Variants in SMARCB1 observed in about 807,000 individuals in gnomAD.
SMARCB1 encodes the protein SWI/SNF related BAF chromatin remodeling complex subunit B1, also known as SWI/SNF-related matrix-associated actin-dependent regulator of chromatin subfamily B member 1.
In SMARCB1, 5 loss-of-function variants were observed where a neutral mutation model predicts 49.0. That is an observed-to-expected ratio of 0.10 (90% CI 0.05 to 0.21). SMARCB1 has a LOEUF of 0.21. Among genes scored for constraint, SMARCB1 ranks in the 10% least tolerant of loss-of-function variants. SMARCB1 has a pLI of 1.00. For synonymous variants in SMARCB1, 201 were observed against 200.1 expected, an observed-to-expected ratio of 1.00 and a Z score of -0.04; for missense variants, 226 against 509.2, an observed-to-expected ratio of 0.44 and a Z score of 5.35.
At chr22:23,791,219 A>T (rs929514720) in intron 1 of SMARCB1, among the ~76,000 whole-genome samples, 7 of 152,224 alleles carry the variant, frequency 4.6e-5, no homozygotes. Flanking sequence ...GTCAGTGATG[A>T]TTTATATAGC....
Position 23,837,694 on chromosome 22 carries a change from AGCGAGAAGCCCATGAGC to A in SMARCB1, c.*3517_*3533del, listed in dbSNP as rs1568969084. ...CACGAGGATGGAGTTGCCCAGCAGC[AGCGAGAAGCCCATGAGC>A]GCCCAAGGCAGGAACGGTGCCTGGA... On this transcript the variant is annotated 3_prime_UTR_variant, in exon 9 of 9. Coordinates refer to ENST00000644036, the MANE Select transcript of SMARCB1 (RefSeq NM_003073.5). 1.9e-6 allele frequency: 3 copies of A among 1,613,866 alleles called. No individual in the cohort carries two copies. The highest frequency in any genetic ancestry group is 2.5e-6 in the Non-Finnish European group (3 of 1,179,944).
At chr22:23,816,323 G>A in intron 5 of SMARCB1, 1 of 269,424 alleles carries the variant, frequency 3.7e-6, no homozygotes, top group Non-Finnish European at 7.3e-6. Flanking sequence ...AAATCGCTGT[G>A]GCTTGGCACA....
intron 3 of SMARCB1, among the ~76,000 whole-genome samples, chr22:23,799,833 T>C (rs1259240093): frequency 6.6e-6 from 1 of 151,986 alleles, no homozygotes; most frequent in African/African-American, 2.4e-5. Flanking sequence ...TGCAGGCGCC[T>C]GCCACCACGC....
intron 6 of SMARCB1, 68 bp downstream of exon 6, chr22:23,817,004 G>C: frequency 7.6e-7 from 1 of 1,323,342 alleles, no homozygotes; most frequent in South Asian, 1.2e-5. Flanking sequence ...ATGGAGCACT[G>C]AGGGTACACC....
rs1030998446 is a variant in SMARCB1, at chr22:23,825,221, T to G, written c.796-4T>G. 5 of 1,613,360 alleles carry G rather than the reference T, an allele frequency of 3.1e-6. No homozygotes were observed. In the African/African-American group the frequency reaches 6.7e-5, roughly 22 times the overall value. ...TAACTTGTGTCCTTTGGTTGTTGCC[T>G]CAGCTGAACATCCATGTGGGAAACA... On this transcript the variant is annotated splice_region_variant and splice_polypyrimidine_tract_variant and intron_variant, in intron 6 of 8. Coordinates refer to ENST00000644036, the MANE Select transcript of SMARCB1 (RefSeq NM_003073.5).
intron 5 of SMARCB1, chr22:23,803,739 C>T (rs1006302881): frequency 1.9e-5 from 8 of 420,228 alleles, no homozygotes; most frequent in African/African-American, 1.6e-4. Context: ...AGCCCCCGAG[C>T]CCTGCACACA....
At chr22:23,810,616 A>T (rs890330077) in intron 5 of SMARCB1, among the ~76,000 whole-genome samples, 1 of 152,128 alleles carries the variant, frequency 6.6e-6, no homozygotes, top group African/African-American at 2.4e-5. Flanking sequence ...GCATGATAAG[A>T]AAAAATGTAG....
rs2145978597 is a variant in SMARCB1, at chr22:23,801,036, A to G, written c.455A>G (p.Asn152Ser). The change falls in exon 4 of 9, where the codon AAC becomes AGC. Residue 152 changes from asparagine to serine, a missense_variant. By Grantham distance (46) the Asn-to-Ser change is conservative. Coordinates refer to ENST00000644036, the MANE Select transcript of SMARCB1 (RefSeq NM_003073.5). ...GCCGTGCCATGCTCCACAACCATCA[A>G]CAGGAACCGCATGGGCCGAGACAAG... ...LDAVPCSTTI[N>S]RNRMGRDKKR... The G allele has an allele frequency of 6.2e-7, 1 of 1,614,074 alleles. No homozygotes were observed. Among genetic ancestry groups the G allele is most frequent in the Non-Finnish European group, 8.5e-7 (1 of 1,179,970 alleles).
chr22:23,826,124 A>C (rs2030367060), intron 7 of SMARCB1: 1 of 152,624 alleles, frequency 6.6e-6, no homozygotes, highest in Non-Finnish European at 1.5e-5. Context: ...CTCAGAGTTA[A>C]AAGTGAGGTC....
chr22:23,800,503 G>A (rs974600065), intron 3 of SMARCB1, among the ~76,000 whole-genome samples: 1 of 152,070 alleles, frequency 6.6e-6, no homozygotes, highest in Non-Finnish European at 1.5e-5. Flanking sequence ...CCTGTGATCG[G>A]TCCCCTCCCT....
At chr22:23,789,158 T>C (rs973247620) in intron 1 of SMARCB1, among the ~76,000 whole-genome samples, 3 of 152,216 alleles carry the variant, frequency 2.0e-5, no homozygotes, top group Non-Finnish European at 2.9e-5. Flanking sequence ...CTCCACTAAT[T>C]TTTATAAAAC....
At chr22:23,816,039 C>T (rs1322171415) in intron 5 of SMARCB1, 2 of 153,198 alleles carry the variant, frequency 1.3e-5, no homozygotes, top group Non-Finnish European at 2.9e-5. Context: ...TTAGGCCGAC[C>T]TGCTTCTTGA....
chr22:23,793,197 G>A (rs915869928), intron 2 of SMARCB1: 6 of 364,176 alleles, frequency 1.6e-5, no homozygotes, highest in Non-Finnish European at 2.1e-5. Context: ...TACTCTGGGA[G>A]CTTTCTTTTC....
At chr22:23,828,396 C>T (rs2267041) in intron 7 of SMARCB1, among the ~76,000 whole-genome samples, 17,030 of 151,008 alleles carry the variant, frequency 0.11, 993 homozygotes, top group South Asian at 0.17. Context: ...TGGTGGCTCA[C>T]GCCTGTAATC....
At position 23,837,795 on chromosome 22, in the gene SMARCB1, C is replaced by G. The variant is rs1248079152; in HGVS notation, c.*3615C>G. 1 of 1,613,770 alleles carries G rather than the reference C, an allele frequency of 6.2e-7. No homozygotes were observed. Among genetic ancestry groups the G allele is most frequent in the South Asian group, 1.1e-5 (1 of 91,080 alleles). On this transcript the variant is annotated 3_prime_UTR_variant, in exon 9 of 9. Coordinates refer to ENST00000644036, the MANE Select transcript of SMARCB1 (RefSeq NM_003073.5). ...GAGGGCTGCGGCGGCTCCACACGTA[C>G]ACCAGCATGGCCATGAGGGCCTGGC...
chr22:23,800,676 C>T (rs373376864), intron 3 of SMARCB1, among the ~76,000 whole-genome samples: 35 of 152,274 alleles, frequency 2.3e-4, no homozygotes, highest in Middle Eastern at 3.4e-3. Context: ...GAAGTGCTTC[C>T]GTGGAGCCAT....
At chr22:23,801,618 A>C in intron 4 of SMARCB1, 1 of 343,790 alleles carries the variant, frequency 2.9e-6, no homozygotes. Flanking sequence ...TGCTTCTTCC[A>C]GCTTTGGGGG....
At chr22:23,792,238 G>A in intron 2 of SMARCB1, 1 of 364,630 alleles carries the variant, frequency 2.7e-6, no homozygotes, top group Non-Finnish European at 5.4e-6. Flanking sequence ...CATCTTCCAT[G>A]CAGCCCAAGT....
In SMARCB1 at chr22:23,836,420, G is replaced by A; in HGVS notation, c.*2240G>A. On this transcript the variant is annotated 3_prime_UTR_variant, in exon 9 of 9. Coordinates refer to ENST00000644036, the MANE Select transcript of SMARCB1 (RefSeq NM_003073.5). Reference sequence around the variant, plus strand: ...CTAGGAGACGCCTGTCCTGGCCCCAGCAGCCGAAATCTGGTGAACTTCCCC... The same window carrying A: ...CTAGGAGACGCCTGTCCTGGCCCCAACAGCCGAAATCTGGTGAACTTCCCC... The A allele has an allele frequency of 1.0e-6, 1 of 988,034 alleles. No individual in the cohort carries two copies. Among genetic ancestry groups the A allele is most frequent in the Non-Finnish European group, 1.2e-6 (1 of 831,854 alleles). The allele number at this position is 988,034 out of a possible 1,614,324, so 61.2% of individuals were successfully genotyped here.
Sources: gnomAD v4.1 joint callset for allele counts (sites outside exome capture counted in the v4.1 genomes callset) on GRCh38, gnomAD v4.1.1 for gene constraint, MANE v1.5 for transcripts, NCBI Gene and HGNC (gene_info 2026-07-23, HGNC 2026-07-21) for gene names.